SDK1: variants seen among roughly 807,000 people sequenced by gnomAD.
SDK1 encodes the protein sidekick cell adhesion molecule 1, also known as protein sidekick-1.
Under a neutral mutation model 245.5 loss-of-function variants are expected in SDK1, and 157 were observed. The observed-to-expected ratio is 0.64, with a 90% confidence interval of 0.56 to 0.73. The LOEUF (loss-of-function observed/expected upper bound fraction) is 0.73. Ranked by LOEUF, SDK1 falls within the 30% of genes least tolerant of loss-of-function variation. SDK1 has a pLI of 0.00. For synonymous variants in SDK1, 1,647 were observed against 1,278.5 expected (o/e 1.29, Z -6.15); for missense variants, 3,583 against 3,002.3 (o/e 1.19, Z -4.52).
At position 3,491,579 on chromosome 7, in the gene SDK1, T is replaced by A. The variant is rs140710857; in HGVS notation, c.299-127501T>A. ...GCAGTCTTCTATAGAAATTACCTAT[T>A]TTGCCTGATGAGATTTACTTAGAAA... On this transcript the variant is annotated intron_variant, in intron 1 of 44. Transcript: ENST00000404826. Among the ~76,000 whole-genome samples, 103 of 152,320 alleles carry A rather than the reference T, an allele frequency of 6.8e-4. 2 individuals carry two copies. The East Asian group carries it at 0.019, about 28-fold the overall frequency.
At chr7:4,025,000 G>A (rs1013721707) in intron 17 of SDK1, among the ~76,000 whole-genome samples, 12 of 142,106 alleles carry the variant, frequency 8.4e-5, no homozygotes, top group Non-Finnish European at 1.5e-4. Context: ...TGCACAATGA[G>A]AACTCTATTT....
intron 30 of SDK1, among the ~76,000 whole-genome samples, chr7:4,149,848 C>T (rs145332266): frequency 2.0e-5 from 3 of 152,196 alleles, no homozygotes; most frequent in African/African-American, 4.8e-5. Flanking sequence ...CTCGGGTGTC[C>T]AGGGCTGGAG....
At chr7:4,023,663 T>C (rs1471325766) in intron 17 of SDK1, among the ~76,000 whole-genome samples, 2 of 152,184 alleles carry the variant, frequency 1.3e-5, no homozygotes, top group African/African-American at 4.8e-5. Context: ...TTACTGCCAG[T>C]GTTTACTTCA....
chr7:3,882,562 C>T (rs1463292520), intron 5 of SDK1, among the ~76,000 whole-genome samples: 2 of 152,160 alleles, frequency 1.3e-5, no homozygotes, highest in Admixed American at 6.5e-5. Flanking sequence ...ATGATCTGAC[C>T]TAGTCTGGGA....
intron 1 of SDK1, among the ~76,000 whole-genome samples, chr7:3,357,328 G>GTTTTTTGTTTTTT (rs1780827765): frequency 1.9e-5 from 1 of 52,904 alleles, no homozygotes; most frequent in East Asian, 7.7e-4. Flanking sequence ...TTCTTTTAGT[G>GTTTTTTGTTTTTT]TTTTTTTTTT....
intron 1 of SDK1, among the ~76,000 whole-genome samples, chr7:3,439,325 A>G (rs1352612845): frequency 6.6e-6 from 1 of 152,138 alleles, no homozygotes; most frequent in Non-Finnish European, 1.5e-5. Context: ...CAATAAAGCT[A>G]ATGTTTCTCA....
intron 11 of SDK1, among the ~76,000 whole-genome samples, chr7:3,970,472 A>T (rs901276522): frequency 6.6e-6 from 1 of 152,216 alleles, no homozygotes; most frequent in African/African-American, 2.4e-5. Flanking sequence ...GTATCCCTAA[A>T]TAGTAACCAT....
intron 1 of SDK1, among the ~76,000 whole-genome samples, chr7:3,615,855 A>T (rs1336953087): frequency 7.2e-6 from 1 of 139,636 alleles, no homozygotes; most frequent in Non-Finnish European, 1.6e-5. Context: ...CAATCACACA[A>T]CCTCTTCAAA....
In SDK1 at chr7:4,055,778, T is replaced by G. The variant is rs971830740; in HGVS notation, c.2911+3948T>G. On this transcript the variant is annotated intron_variant, in intron 19 of 44. Transcript: ENST00000404826. ...AGTGTGAGCGTTTAGTGCTGTACAT[T>G]TCTGCTTCCATGATGCTTTAGCTGC... Among the ~76,000 whole-genome samples the G allele has an allele frequency of 6.6e-5, 10 of 152,168 alleles. No homozygotes were observed. In the East Asian group the frequency reaches 1.7e-3, roughly 26 times the overall value.
intron 4 of SDK1, among the ~76,000 whole-genome samples, chr7:3,671,543 G>A (rs936766806): frequency 1.1e-4 from 16 of 152,134 alleles, no homozygotes; most frequent in African/African-American, 2.4e-4. Flanking sequence ...TGAGACAAAT[G>A]TGTAGTCTGT....
chr7:3,577,873 G>C lies in SDK1; in HGVS notation c.299-41207G>C, dbSNP rs187881246. Among the ~76,000 whole-genome samples the C allele has an allele frequency of 2.0e-5, 3 of 152,092 alleles. No homozygotes were observed. The East Asian group carries it at 5.8e-4, about 30-fold the overall frequency. The stretch of plus-strand genomic sequence containing the variant: ...TTGCCTGGCAGCTCCTGTCATGTCC[G>C]TACGCCTTAGAGGTGTGCGGTGACT... On this transcript the variant is annotated intron_variant, in intron 1 of 44. Transcript: ENST00000404826.
At chr7:4,054,105 A>T (rs1562736732) in intron 19 of SDK1, among the ~76,000 whole-genome samples, 3 of 151,686 alleles carry the variant, frequency 2.0e-5, no homozygotes, top group African/African-American at 7.3e-5. Context: ...CGTCTGGCCA[A>T]TTTTTTTGTA....
intron 5 of SDK1, among the ~76,000 whole-genome samples, chr7:3,879,374 G>A (rs1028041491): frequency 5.3e-5 from 8 of 152,188 alleles, no homozygotes; most frequent in Non-Finnish European, 1.0e-4. Context: ...ACAACTGGGC[G>A]CTTTGCATCT....
intron 1 of SDK1, among the ~76,000 whole-genome samples, chr7:3,597,411 T>C (rs1374536406): frequency 6.6e-6 from 1 of 152,132 alleles, no homozygotes; most frequent in Non-Finnish European, 1.5e-5. Flanking sequence ...ATAAAGAGAC[T>C]GAAACCTCAA....
intron 1 of SDK1, among the ~76,000 whole-genome samples, chr7:3,319,087 G>C (rs1292169856): frequency 6.6e-6 from 1 of 152,164 alleles, no homozygotes; most frequent in African/African-American, 2.4e-5. Flanking sequence ...AAATTAATTG[G>C]CATGACAACT....
At chr7:4,053,987 G>T (rs1002347738) in intron 19 of SDK1, among the ~76,000 whole-genome samples, 56 of 152,010 alleles carry the variant, frequency 3.7e-4, no homozygotes, top group African/African-American at 1.4e-3. Context: ...TGCCCAGGCT[G>T]GAGTGCAGTG....
chr7:3,658,511 T>C (rs944938333), intron 4 of SDK1, among the ~76,000 whole-genome samples: 1 of 151,872 alleles, frequency 6.6e-6, no homozygotes, highest in Non-Finnish European at 1.5e-5. Flanking sequence ...TTTATTGAGA[T>C]GTAATTTACC....
intron 1 of SDK1, among the ~76,000 whole-genome samples, chr7:3,557,468 G>A (rs899082227): frequency 2.0e-5 from 3 of 152,216 alleles, no homozygotes; most frequent in Admixed American, 2.0e-4. Flanking sequence ...AGCAAGACCA[G>A]GGGTCCTGAT....
At chr7:3,642,226 G>GAT in intron 4 of SDK1, 121 bp downstream of exon 4, 1 of 843,386 alleles carries the variant, frequency 1.2e-6, no homozygotes, top group Non-Finnish European at 1.8e-6. Flanking sequence ...ACTAGTCTAG[G>GAT]AGTCCTATCC....
Sources: allele counts gnomAD v4.1 joint callset (sites outside exome capture counted in the v4.1 genomes callset), GRCh38; gene constraint gnomAD v4.1.1; transcripts MANE v1.5; gene names NCBI Gene and HGNC (gene_info 2026-07-23, HGNC 2026-07-21).